The following RBFOX1 variants were observed in gnomAD, a reference collection of about 807,000 sequenced individuals.
RBFOX1 encodes the protein RNA binding protein fox-1 homolog 1.
Under a neutral mutation model 57.7 loss-of-function variants are expected in RBFOX1, and 8 were observed. The ratio of observed to expected loss-of-function variants is 0.14; its 90% CI spans 0.08 to 0.25. RBFOX1 has a LOEUF of 0.25. Ranked by LOEUF, RBFOX1 falls within the 10% of genes least tolerant of loss-of-function variation. RBFOX1 has a pLI of 1.00. For missense variants in RBFOX1, 611 were observed against 548.5 expected (o/e 1.11, Z -1.14); for synonymous variants, 326 against 222.4 (o/e 1.47, Z -4.15).
At chr16:6,081,007 C>T (rs115060256) in intron 1 of RBFOX1, among the ~76,000 whole-genome samples, 2,369 of 152,262 alleles carry the variant, frequency 0.016, 58 homozygotes, top group African/African-American at 0.054. Flanking sequence ...TTGAAGCCTC[C>T]TGAGAGGGGA....
chr16:6,991,960 C>T (rs563236378), intron 3 of RBFOX1, among the ~76,000 whole-genome samples: 2 of 152,140 alleles, frequency 1.3e-5, no homozygotes, highest in African/African-American at 4.8e-5. Context: ...TGTCCCAGAT[C>T]CTGTGTTGTT....
intron 2 of RBFOX1, among the ~76,000 whole-genome samples, chr16:5,491,886 C>T (rs748560654): frequency 6.6e-6 from 1 of 152,236 alleles, no homozygotes; most frequent in South Asian, 2.1e-4. Flanking sequence ...GACAAACATA[C>T]AACAATGTCC....
rs571199917 is a variant in RBFOX1 at position 5,323,859 on chromosome 16, A to G, written c.219+83754A>G. On this transcript the variant is annotated intron_variant, in intron 1 of 2. Transcript: ENST00000585867. Reference sequence around the variant, plus strand: ...TCCCTGTAACATAGACTGGGGATAAATGGGTTCAGCAGCGTTGTGATGGCA... The same window carrying G: ...TCCCTGTAACATAGACTGGGGATAAGTGGGTTCAGCAGCGTTGTGATGGCA... Among the ~76,000 whole-genome samples the G allele has an allele frequency of 5.3e-5, 8 of 152,306 alleles. No individual in the cohort carries two copies. In the South Asian group the frequency reaches 1.2e-3, roughly 24 times the overall value.
intron 1 of RBFOX1, among the ~76,000 whole-genome samples, chr16:6,301,610 G>T (rs1255353225): frequency 6.6e-6 from 1 of 152,010 alleles, no homozygotes; most frequent in Non-Finnish European, 1.5e-5. Flanking sequence ...TGTCTGAGGA[G>T]GTGTGTGGGA....
At chr16:7,077,598 G>T (rs565738655) in intron 4 of RBFOX1, among the ~76,000 whole-genome samples, 1 of 152,262 alleles carries the variant, frequency 6.6e-6, no homozygotes, top group East Asian at 1.9e-4. Context: ...CTCAGCAAAT[G>T]TTCAGTATCA....
At chr16:7,229,740 GA>G (rs2093374146) in intron 4 of RBFOX1, among the ~76,000 whole-genome samples, 1 of 115,218 alleles carries the variant, frequency 8.7e-6, no homozygotes, top group Non-Finnish European at 1.8e-5. Context: ...GAGGGAGGGG[GA>G]AGAAGGAAGG....
At chr16:7,483,976 T>A (rs1332212713) in intron 4 of RBFOX1, among the ~76,000 whole-genome samples, 3 of 152,258 alleles carry the variant, frequency 2.0e-5, no homozygotes, top group African/African-American at 4.8e-5. Context: ...TTAAGTTTCC[T>A]TACGCTTTAT....
chr16:6,621,922 G>C (rs190551787), intron 2 of RBFOX1, among the ~76,000 whole-genome samples: 1 of 152,142 alleles, frequency 6.6e-6, no homozygotes, highest in Non-Finnish European at 1.5e-5. Flanking sequence ...TAACTGAAGA[G>C]CTAAGAGAGA....
chr16:5,569,465 T>TG (rs2046199156), intron 2 of RBFOX1, among the ~76,000 whole-genome samples: 2 of 94,202 alleles, frequency 2.1e-5, no homozygotes, highest in African/African-American at 8.6e-5. Context: ...TTTTTTTTTT[T>TG]TTCTTCTTCT....
chr16:6,471,308 G>T (rs1480150504), intron 2 of RBFOX1, among the ~76,000 whole-genome samples: 1 of 152,142 alleles, frequency 6.6e-6, no homozygotes, highest in Non-Finnish European at 1.5e-5. Context: ...TTTGCCTTTA[G>T]TTAGAACAAG....
At chr16:5,413,951 C>T (rs2067092200) in intron 1 of RBFOX1, among the ~76,000 whole-genome samples, 1 of 152,130 alleles carries the variant, frequency 6.6e-6, no homozygotes, top group African/African-American at 2.4e-5. Context: ...AATCAAATCC[C>T]TTTTGGTTGC....
At chr16:7,613,679 A>G (rs954986494) in intron 10 of RBFOX1, among the ~76,000 whole-genome samples, 2 of 152,118 alleles carry the variant, frequency 1.3e-5, no homozygotes, top group South Asian at 2.1e-4. Context: ...TCATCTCAGA[A>G]TTGGGTCAAA....
At chr16:7,114,790 C>T (rs900218686) in intron 4 of RBFOX1, among the ~76,000 whole-genome samples, 3 of 152,154 alleles carry the variant, frequency 2.0e-5, no homozygotes, top group African/African-American at 4.8e-5. Flanking sequence ...CTTGCTAACT[C>T]GTTGTCCTAA....
intron 1 of RBFOX1, among the ~76,000 whole-genome samples, chr16:6,272,459 G>C (rs559254306): frequency 1.3e-5 from 2 of 152,258 alleles, no homozygotes; most frequent in South Asian, 2.1e-4. Context: ...TTTAAGGGGA[G>C]ACATCATTTT....
At chr16:7,607,426 C>G (rs1173408613) in intron 10 of RBFOX1, 88 bp downstream of exon 10, 1 of 1,255,894 alleles carries the variant, frequency 8.0e-7, no homozygotes, top group East Asian at 2.3e-5. Flanking sequence ...GTAAAATAAC[C>G]TGAAGCAAGT....
chr16:6,937,757 G>A (rs1198066149), intron 3 of RBFOX1, among the ~76,000 whole-genome samples: 1 of 152,108 alleles, frequency 6.6e-6, no homozygotes, highest in African/African-American at 2.4e-5. Flanking sequence ...GGAGACCAAA[G>A]TTTTATCGTG....
intron 3 of RBFOX1, among the ~76,000 whole-genome samples, chr16:6,956,243 G>C (rs989479206): frequency 2.7e-4 from 41 of 152,138 alleles, no homozygotes; most frequent in African/African-American, 8.5e-4. Context: ...GAAGGACTTT[G>C]CTTTGAAGAG....
At chr16:6,833,815 G>C (rs903133930) in intron 3 of RBFOX1, among the ~76,000 whole-genome samples, 1 of 152,144 alleles carries the variant, frequency 6.6e-6, no homozygotes, top group Non-Finnish European at 1.5e-5. Context: ...TGGGTAGGTA[G>C]GAATTAGATA....
At chr16:7,002,710 C>G (rs559050045) in intron 3 of RBFOX1, among the ~76,000 whole-genome samples, 1 of 152,190 alleles carries the variant, frequency 6.6e-6, no homozygotes, top group African/African-American at 2.4e-5. Context: ...GGGTCCAACT[C>G]AAAAACAAAG....
Sources: allele counts gnomAD v4.1 joint callset (sites outside exome capture counted in the v4.1 genomes callset), GRCh38; gene constraint gnomAD v4.1.1; transcripts MANE v1.5; gene names NCBI Gene and HGNC (gene_info 2026-07-23, HGNC 2026-07-21).